DNAH11: variants seen among roughly 807,000 people sequenced by gnomAD.
The protein encoded by DNAH11 is dynein axonemal heavy chain 11, also known as axonemal beta dynein heavy chain 11.
Under a neutral mutation model 526.0 loss-of-function variants are expected in DNAH11, and 442 were observed. The observed-to-expected ratio is 0.84, with a 90% CI of 0.78 to 0.91. The LOEUF (loss-of-function observed/expected upper bound fraction) is 0.91, where lower values mean the gene tolerates loss of function less well. DNAH11 is among the 40% of genes least tolerant of loss of function. The probability of loss-of-function intolerance (pLI) is 0.00; values close to 1 mark genes in which losing one functional copy is unlikely to be tolerated. For missense variants in DNAH11, 6,989 were observed against 5,448.7 expected, an observed-to-expected ratio of 1.28 and a Z score of -8.90; for synonymous variants, 2,461 against 1,935.9, an observed-to-expected ratio of 1.27 and a Z score of -7.12.
rs780485432 is a variant in DNAH11, at chr7:21,682,668, C to T, written c.5460+991C>T. On this transcript the variant is annotated intron_variant, in intron 31 of 81. Transcript: ENST00000409508. The stretch of plus-strand genomic sequence containing the variant: ...AGGAGTATGCTTGTCTACTGGGTTA[C>T]GCTTGTTTGGTAGTATTAAAACAAG... 4.0e-4 allele frequency among the ~76,000 whole-genome samples: 61 copies of T among 151,948 alleles called. 1 individual carries two copies. The highest frequency in any genetic ancestry group is 2.9e-4 in the Non-Finnish European group (20 of 67,998).
chr7:21,674,883 A>C (rs1201556439), intron 30 of DNAH11, among the ~76,000 whole-genome samples: 2 of 152,076 alleles, frequency 1.3e-5, no homozygotes, highest in African/African-American at 2.4e-5. Context: ...AAAAACCAAC[A>C]TACTTCACTA....
In DNAH11 at chr7:21,600,942, C is replaced by T. The variant is rs1785060417; in HGVS notation, c.3255+12C>T. 1 of 1,612,774 alleles carries T rather than the reference C, an allele frequency of 6.2e-7. No individual in the cohort carries two copies. Among genetic ancestry groups the T allele is most frequent in the Admixed American group, 1.7e-5 (1 of 59,702 alleles). ...AATTCAAAGAACAGGCAAGGAAAACCCTTAGCATTTAATGTAGTGAAATGG... is the reference window on the plus strand; with the variant it reads ...AATTCAAAGAACAGGCAAGGAAAACTCTTAGCATTTAATGTAGTGAAATGG... On this transcript the variant is annotated intron_variant, in intron 16 of 81. Coordinates refer to ENST00000409508, the MANE Select transcript of DNAH11 (RefSeq NM_001277115.2).
chr7:21,862,503 T>C (rs1783104054), intron 69 of DNAH11, among the ~76,000 whole-genome samples: 1 of 152,182 alleles, frequency 6.6e-6, no homozygotes, highest in Non-Finnish European at 1.5e-5. Flanking sequence ...TTTAAATTGC[T>C]AAAGGAGTAG....
chr7:21,638,911 T>G, intron 27 of DNAH11, 28 bp from the exon 28 acceptor site: 3 of 1,591,978 alleles, frequency 1.9e-6, no homozygotes, highest in Non-Finnish European at 2.6e-6. Flanking sequence ...GGACAAGATA[T>G]GCTTAAAAAC....
At chr7:21,711,159 A>C (rs1276118306) in intron 41 of DNAH11, among the ~76,000 whole-genome samples, 1 of 152,176 alleles carries the variant, frequency 6.6e-6, no homozygotes, top group Non-Finnish European at 1.5e-5. Context: ...CCCAGCAAAA[A>C]CAAAAGGTGA....
At chr7:21,886,808 G>GT (rs1784140479) in intron 76 of DNAH11, among the ~76,000 whole-genome samples, 1 of 152,198 alleles carries the variant, frequency 6.6e-6, no homozygotes, top group Non-Finnish European at 1.5e-5. Context: ...AGTGATGTGT[G>GT]TAAGCCCTTT....
chr7:21,768,328 C>T (rs950510725), intron 55 of DNAH11, among the ~76,000 whole-genome samples: 2 of 152,068 alleles, frequency 1.3e-5, no homozygotes, highest in African/African-American at 2.4e-5. Context: ...GTTTCTACAA[C>T]GAAAAATCAA....
At chr7:21,575,357 T>C (rs1350682911) in intron 8 of DNAH11, among the ~76,000 whole-genome samples, 1 of 152,250 alleles carries the variant, frequency 6.6e-6, no homozygotes, top group Non-Finnish European at 1.5e-5. Context: ...TTTATTCAGG[T>C]GCCTTGTTCA....
chr7:21,566,905 C>G (rs1029800774), intron 6 of DNAH11, among the ~76,000 whole-genome samples: 13 of 152,124 alleles, frequency 8.5e-5, no homozygotes, highest in African/African-American at 2.9e-4. Context: ...TTTGTACTAA[C>G]TTCTTGAAAG....
At chr7:21,726,244 C>G (rs1055204427) in intron 45 of DNAH11, among the ~76,000 whole-genome samples, 3 of 151,978 alleles carry the variant, frequency 2.0e-5, no homozygotes, top group Admixed American at 2.0e-4. Flanking sequence ...TTTTAAATGG[C>G]CAGATCTCAT....
chr7:21,691,196 G>C (rs1316915171), intron 35 of DNAH11, among the ~76,000 whole-genome samples: 1 of 142,876 alleles, frequency 7.0e-6, no homozygotes, highest in Non-Finnish European at 1.5e-5. Context: ...TTTTTTAACA[G>C]TCAAAGTGCA....
chr7:21,897,959 C>T (rs182086694), intron 79 of DNAH11, among the ~76,000 whole-genome samples: 1 of 152,272 alleles, frequency 6.6e-6, no homozygotes, highest in East Asian at 1.9e-4. Context: ...TAACCCTTTA[C>T]CTCTTTATTT....
rs1785928954 is a variant in DNAH11 at position 21,619,288 on chromosome 7, T to A, written c.4377+66T>A. 5.2e-6 allele frequency: 8 copies of A among 1,548,046 alleles called. No homozygotes were observed. In the Admixed American group the frequency reaches 6.1e-5, roughly 12 times the overall value. On this transcript the variant is annotated intron_variant, in intron 24 of 81. Coordinates refer to ENST00000409508, the MANE Select transcript of DNAH11 (RefSeq NM_001277115.2). Reference sequence around the variant, plus strand: ...TTGGGTATTTGCATAGAAGCCAACTTAGAGAAAAGTCCTTTTGATGTCCTG... The same window carrying A: ...TTGGGTATTTGCATAGAAGCCAACTAAGAGAAAAGTCCTTTTGATGTCCTG...
At chr7:21,855,094 C>T (rs1472188822) in intron 68 of DNAH11, among the ~76,000 whole-genome samples, 5 of 145,084 alleles carry the variant, frequency 3.4e-5, no homozygotes, top group African/African-American at 7.8e-5. Flanking sequence ...TGCAGTGGCG[C>T]GATCTTGGCT....
At position 21,880,724 on chromosome 7, in the gene DNAH11, A is replaced by G; in HGVS notation, c.12218A>G (p.Lys4073Arg). 1 of 1,613,948 alleles carries G rather than the reference A, an allele frequency of 6.2e-7. No individual in the cohort carries two copies. Residue 4073 changes from lysine to arginine, a missense_variant, in exon 75 of 82, where the codon AAG (lysine) becomes AGG (arginine). Transcript: ENST00000409508. ...FDQDTLEICSKEQEFKSILFS... is the reference protein window; with the variant it reads ...FDQDTLEICSREQEFKSILFS... ...CAGGATACACTTGAAATATGCTCCAAGGAGCAGGAGTTTAAAAGCATCCTT... is the reference window on the plus strand; with the variant it reads ...CAGGATACACTTGAAATATGCTCCAGGGAGCAGGAGTTTAAAAGCATCCTT...
chr7:21,697,766 A>G (rs1312092780), intron 35 of DNAH11, among the ~76,000 whole-genome samples: 1 of 152,160 alleles, frequency 6.6e-6, no homozygotes, highest in Non-Finnish European at 1.5e-5. Context: ...CCCTTGCTCA[A>G]AACATCATTA....
chr7:21,589,516 G>A (rs1171956567), intron 12 of DNAH11, 113 bp downstream of exon 12: 8 of 838,680 alleles, frequency 9.5e-6, no homozygotes, highest in Non-Finnish European at 1.3e-5. Flanking sequence ...GAGTTGTGAG[G>A]ACTGTAACTG....
intron 32 of DNAH11, 38 bp from the exon 33 acceptor site, chr7:21,687,061 T>C: frequency 6.3e-7 from 1 of 1,583,108 alleles, no homozygotes. Flanking sequence ...GAAAATCTCA[T>C]ATTAGACTGT....
chr7:21,833,159 G>T (rs1199766753), intron 65 of DNAH11, among the ~76,000 whole-genome samples: 2 of 152,148 alleles, frequency 1.3e-5, no homozygotes, highest in Non-Finnish European at 2.9e-5. Context: ...TTTACATTTT[G>T]TATTTGTTTA....
Sources: gnomAD v4.1 joint callset for allele counts (sites outside exome capture counted in the v4.1 genomes callset) on GRCh38, gnomAD v4.1.1 for gene constraint, MANE v1.5 for transcripts, NCBI Gene and HGNC (gene_info 2026-07-23, HGNC 2026-07-21) for gene names.